The following GRIK4 variants were observed in gnomAD, a reference collection of about 807,000 sequenced individuals.
GRIK4 encodes the protein glutamate ionotropic receptor kainate type subunit 4.
A neutral mutation model predicts 104.9 loss-of-function variants in GRIK4; 40 were observed. That is an observed-to-expected ratio of 0.38 (90% CI 0.30 to 0.50). GRIK4 has a LOEUF of 0.50. GRIK4 is among the 20% of genes least tolerant of loss of function. The pLI is 0.93. For missense variants in GRIK4, 1,047 were observed against 1,308.1 expected (o/e 0.80, Z 3.08); for synonymous variants, 485 against 524.9 (o/e 0.92, Z 1.04).
At chr11:120,704,328 G>A (rs1950596406) in intron 3 of GRIK4, among the ~76,000 whole-genome samples, 1 of 152,162 alleles carries the variant, frequency 6.6e-6, no homozygotes. Context: ...ACAGTGCCCT[G>A]AGCATATTAG....
At chr11:120,558,752 G>A (rs894293299) in intron 1 of GRIK4, among the ~76,000 whole-genome samples, 15 of 152,220 alleles carry the variant, frequency 9.9e-5, no homozygotes, top group African/African-American at 3.1e-4. Context: ...ACAATTGCGC[G>A]TATTTAGTTT....
At chr11:120,738,783 G>A (rs1951272701) in intron 3 of GRIK4, among the ~76,000 whole-genome samples, 1 of 152,212 alleles carries the variant, frequency 6.6e-6, no homozygotes, top group Admixed American at 6.5e-5. Context: ...GCAAAGTTGA[G>A]AGGATGTATT....
rs1367987798 is a variant in GRIK4 at position 120,988,703 on chromosome 11, T to C, written c.*2443T>C. On this transcript the variant is annotated 3_prime_UTR_variant, in exon 21 of 21. Coordinates refer to ENST00000527524, the MANE Select transcript of GRIK4 (RefSeq NM_014619.5). ...GTTGTTGGCTTTCTTTTCCATTCTG[T>C]ATTTTCTATCTGACTCTGTATACTG... 2 of 152,254 alleles carry C rather than the reference T, an allele frequency of 1.3e-5. No homozygotes were observed. Among genetic ancestry groups the C allele is most frequent in the Admixed American group, 1.3e-4 (2 of 15,282 alleles). The allele number at this position is 152,254 out of a possible 1,614,324, so 9.4% of individuals were successfully genotyped here. A position where few individuals can be genotyped will look rare whatever the true frequency, so the allele number is the denominator to read the frequency against.
At chr11:120,580,265 C>CT (rs1948559910) in intron 1 of GRIK4, among the ~76,000 whole-genome samples, 2 of 126,376 alleles carry the variant, frequency 1.6e-5, no homozygotes, top group African/African-American at 3.8e-5. Flanking sequence ...TTCTTTCTTT[C>CT]TTTCCTTTCT....
In GRIK4 at chr11:120,986,607, T is replaced by A; in HGVS notation, c.*347T>A. 4.7e-6 allele frequency: 1 copy of A among 212,150 alleles called. No homozygotes were observed. The highest frequency in any genetic ancestry group is 9.2e-6 in the Non-Finnish European group (1 of 108,858). 13.1% of individuals were successfully genotyped at this position (212,150 alleles called of 1,614,324 possible). A position where few individuals can be genotyped will look rare whatever the true frequency, so the allele number is the denominator to read the frequency against. On this transcript the variant is annotated 3_prime_UTR_variant, in exon 21 of 21. Transcript: ENST00000527524. ...AGACCAGTCCAATGAATTGGTGGAATCATCAGTTGAATTTCCCCCTAGTCA... is the reference window on the plus strand; with the variant it reads ...AGACCAGTCCAATGAATTGGTGGAAACATCAGTTGAATTTCCCCCTAGTCA...
At chr11:120,778,878 G>A (rs1177141374) in intron 3 of GRIK4, among the ~76,000 whole-genome samples, 1 of 152,206 alleles carries the variant, frequency 6.6e-6, no homozygotes, top group Admixed American at 6.5e-5. Context: ...CCAGGTGGGA[G>A]AAAGAGCTGA....
intron 1 of GRIK4, among the ~76,000 whole-genome samples, chr11:120,560,139 T>A (rs1315368433): frequency 1.3e-5 from 2 of 151,972 alleles, no homozygotes; most frequent in African/African-American, 4.8e-5. Flanking sequence ...AACCTCCACC[T>A]CCGGGTTCAA....
At chr11:120,576,424 T>A (rs551063088) in intron 1 of GRIK4, 1 of 152,128 alleles carries the variant, frequency 6.6e-6, no homozygotes, top group Non-Finnish European at 1.5e-5. Flanking sequence ...CCATTTCTGC[T>A]CCCCTCCTGG....
chr11:120,685,433 C>A (rs575358803), intron 3 of GRIK4, among the ~76,000 whole-genome samples: 1 of 152,276 alleles, frequency 6.6e-6, no homozygotes, highest in East Asian at 1.9e-4. Flanking sequence ...TGGGTCCGCC[C>A]GTACCCCTCA....
chr11:120,572,504 C>G (rs1948414142), intron 1 of GRIK4, among the ~76,000 whole-genome samples: 1 of 152,162 alleles, frequency 6.6e-6, no homozygotes, highest in Non-Finnish European at 1.5e-5. Flanking sequence ...TGCCTGTCTC[C>G]TTCGCAGGCT....
At chr11:120,958,289 A>AG (rs1183225602) in intron 16 of GRIK4, among the ~76,000 whole-genome samples, 7 of 152,324 alleles carry the variant, frequency 4.6e-5, no homozygotes, top group African/African-American at 1.7e-4. Flanking sequence ...CCCTGCCCTG[A>AG]GGGGAGGACT....
rs965050498 is a variant in GRIK4 at position 120,819,610 on chromosome 11, C to T, written c.346-145C>T. The T allele has an allele frequency of 2.8e-6, 2 of 715,484 alleles. No homozygotes were observed. The highest frequency in any genetic ancestry group is 2.2e-5 in the Admixed American group (1 of 46,242). 44.3% of individuals were successfully genotyped at this position (715,484 alleles called of 1,614,324 possible). A position where few individuals can be genotyped will look rare whatever the true frequency, so the allele number is the denominator to read the frequency against. On this transcript the variant is annotated intron_variant, in intron 5 of 20. Coordinates refer to ENST00000527524, the MANE Select transcript of GRIK4 (RefSeq NM_014619.5). This position sits in a 1 kb window ranked among gnomAD's most constrained non-coding sequence, Gnocchi z 4.3. ...CGTCTTCCTCCCACGGAGTGGGTGCCCTGGGAGCTCCTTCTCCCATTGGTG... is the reference window on the plus strand; with the variant it reads ...CGTCTTCCTCCCACGGAGTGGGTGCTCTGGGAGCTCCTTCTCCCATTGGTG...
intron 1 of GRIK4, among the ~76,000 whole-genome samples, chr11:120,587,140 G>T (rs558011730): frequency 6.6e-6 from 1 of 152,180 alleles, no homozygotes; most frequent in Admixed American, 6.5e-5. Flanking sequence ...TTTATTAGAG[G>T]CGGCAGTCTC....
intron 3 of GRIK4, among the ~76,000 whole-genome samples, chr11:120,687,650 C>T (rs1475091073): frequency 6.6e-6 from 1 of 152,148 alleles, no homozygotes; most frequent in Non-Finnish European, 1.5e-5. Context: ...TGATCTTCCT[C>T]AAGAGGTGTT....
chr11:120,878,612 C>T (rs1302576740), intron 11 of GRIK4, among the ~76,000 whole-genome samples: 9 of 25,062 alleles, frequency 3.6e-4, no homozygotes, highest in Middle Eastern at 0.022. Context: ...CTTTATGCCC[C>T]GCCCCCCCCC....
At chr11:120,729,283 T>A (rs1951087683) in intron 3 of GRIK4, among the ~76,000 whole-genome samples, 4 of 152,220 alleles carry the variant, frequency 2.6e-5, no homozygotes, top group Admixed American at 2.0e-4. Context: ...TACCTAGCAG[T>A]GGATTCCTGG....
At chr11:120,533,031 G>A (rs1947938210) in intron 1 of GRIK4, among the ~76,000 whole-genome samples, 1 of 152,186 alleles carries the variant, frequency 6.6e-6, no homozygotes. Context: ...GGTGTGATGT[G>A]CCAAGGTGGA....
intron 1 of GRIK4, among the ~76,000 whole-genome samples, chr11:120,517,181 C>G (rs1164894190): frequency 6.7e-6 from 1 of 149,290 alleles, no homozygotes; most frequent in East Asian, 1.9e-4. Flanking sequence ...CCGCTTTGTT[C>G]ACTGAGCTAT....
intron 1 of GRIK4, among the ~76,000 whole-genome samples, chr11:120,537,704 G>A (rs779373965): frequency 2.3e-4 from 35 of 152,346 alleles, no homozygotes; most frequent in South Asian, 8.3e-4. Flanking sequence ...CCTCCTCGCC[G>A]CGCTGTGCAG....
Sources: allele counts gnomAD v4.1 joint callset (sites outside exome capture counted in the v4.1 genomes callset), GRCh38; gene constraint gnomAD v4.1.1; non-coding constraint Gnocchi (gnomAD v3.1); transcripts MANE v1.5; gene names NCBI Gene and HGNC (gene_info 2026-07-23, HGNC 2026-07-21).